ELOVL2: variants seen among roughly 807,000 people sequenced by gnomAD.
ELOVL2 encodes ELOVL fatty acid elongase 2.
A neutral mutation model predicts 37.7 loss-of-function variants in ELOVL2; 38 were observed. The observed-to-expected ratio is 1.01, with a 90% CI of 0.78 to 1.32. The LOEUF (loss-of-function observed/expected upper bound fraction) is 1.32. Among genes scored for constraint, ELOVL2 ranks in the 40% most tolerant of loss-of-function variants. The probability of loss-of-function intolerance (pLI) is 0.00; values close to 1 mark genes in which losing one functional copy is unlikely to be tolerated. For synonymous variants in ELOVL2, 115 were observed against 122.3 expected (o/e 0.94, Z 0.40); for missense variants, 352 against 363.6 (o/e 0.97, Z 0.26).
Position 11,000,132 on chromosome 6 carries a change from G to C in ELOVL2, c.288C>G (p.Asn96Lys), listed in dbSNP as rs371994990. ...CGCTGGTAAGATCTTGACACTGTAAGTTGTAGCCTCCTTCCCAAGTGGAGA... is the reference window on the plus strand; with the variant it reads ...CGCTGGTAAGATCTTGACACTGTAACTTGTAGCCTCCTTCCCAAGTGGAGA... Reference protein sequence around the residue: ...LILSTWEGGYNLQCQDLTSAG... With the variant: ...LILSTWEGGYKLQCQDLTSAG... Residue 96 changes from asparagine (N) to lysine (K), a missense_variant, in exon 4 of 8, where the codon AAC becomes AAG. By Grantham distance (94) the Asn-to-Lys change is moderately conservative. Coordinates refer to ENST00000354666, the MANE Select transcript of ELOVL2 (RefSeq NM_017770.4). 8 of 1,614,040 alleles carry C rather than the reference G, an allele frequency of 5.0e-6. No individual in the cohort carries two copies. The African/African-American group carries it at 8.0e-5, about 16-fold the overall frequency.
rs1050891794 is a variant in ELOVL2, at chr6:10,995,724, A to T, written c.334-546T>A. Among the ~76,000 whole-genome samples, 4 of 152,278 alleles carry T rather than the reference A, an allele frequency of 2.6e-5. No individual in the cohort carries two copies. In the South Asian group the frequency reaches 6.2e-4, roughly 24 times the overall value. The stretch of plus-strand genomic sequence containing the variant: ...CTTCATTTGTATTCAAATTACTTTA[A>T]CTGTGGCTCCATAATCAATAGACAT... On this transcript the variant is annotated intron_variant, in intron 4 of 7. Transcript: ENST00000354666.
chr6:11,017,584 C>T (rs1000182254), intron 1 of ELOVL2, among the ~76,000 whole-genome samples: 1 of 152,194 alleles, frequency 6.6e-6, no homozygotes, highest in African/African-American at 2.4e-5. Flanking sequence ...GGTTATGCTC[C>T]ACTTCCCACA....
At chr6:11,023,883 C>CA (rs1259579471) in intron 1 of ELOVL2, among the ~76,000 whole-genome samples, 5 of 151,954 alleles carry the variant, frequency 3.3e-5, no homozygotes, top group Admixed American at 6.6e-5. Context: ...GCTACGTGAG[C>CA]AAAAAAATTG....
At chr6:11,002,606 C>G (rs1782407884) in intron 3 of ELOVL2, among the ~76,000 whole-genome samples, 1 of 152,156 alleles carries the variant, frequency 6.6e-6, no homozygotes, top group Non-Finnish European at 1.5e-5. Context: ...AGTGGGTAAG[C>G]AGTAGATAAA....
In ELOVL2 at chr6:11,018,326, T is replaced by G. The variant is rs1782715486; in HGVS notation, c.4-7517A>C. Among the ~76,000 whole-genome samples the G allele has an allele frequency of 2.6e-5, 4 of 152,306 alleles. No individual in the cohort carries two copies. The South Asian group carries it at 8.3e-4, about 32-fold the overall frequency. On this transcript the variant is annotated intron_variant, in intron 1 of 7. Transcript: ENST00000354666. ...TAATTCCAACCTATACTAAAAAATG[T>G]GAAAAGGTAAGAATACTGGTATTGC...
At chr6:11,003,282 G>T (rs1178631307) in intron 3 of ELOVL2, among the ~76,000 whole-genome samples, 1 of 152,054 alleles carries the variant, frequency 6.6e-6, no homozygotes, top group African/African-American at 2.4e-5. Flanking sequence ...TTAGGTATTT[G>T]TCCCAGTGCT....
In ELOVL2 at chr6:11,044,105, G is replaced by T. The variant is rs113833123; in HGVS notation, c.3+123C>A. ...GGACCCGGCCCCTCCGAGGGTAGCG[G>T]GTTCCAGCGGCGAACCCGCAGCGCC... On this transcript the variant is annotated intron_variant, in intron 1 of 7. Transcript: ENST00000354666. This position sits in a 1 kb window ranked among gnomAD's most constrained non-coding sequence, Gnocchi z 5.6. The T allele has an allele frequency of 1.6e-6, 2 of 1,239,350 alleles. No homozygotes were observed. Among genetic ancestry groups the T allele is most frequent in the Non-Finnish European group, 2.1e-6 (2 of 959,874 alleles). 76.8% of individuals were successfully genotyped at this position (1,239,350 alleles called of 1,614,324 possible).
rs889887728 is a variant in ELOVL2, at chr6:10,995,247, G to A, written c.334-69C>T. The stretch of plus-strand genomic sequence containing the variant: ...TGTTCCTGGTGCTGCCCCACTGCTC[G>A]GCCTTCTGCCTGCTGCCTGTGGTTT... On this transcript the variant is annotated intron_variant, in intron 4 of 7. Coordinates refer to ENST00000354666, the MANE Select transcript of ELOVL2 (RefSeq NM_017770.4). The A allele has an allele frequency of 5.6e-5, 68 of 1,222,686 alleles. No homozygotes were observed. The South Asian group carries it at 7.5e-4, about 13-fold the overall frequency. 75.7% of individuals were successfully genotyped at this position (1,222,686 alleles called of 1,614,324 possible).
In ELOVL2 at chr6:10,989,855, G is replaced by A; in HGVS notation, c.631-18C>T. 1 of 1,613,816 alleles carries A rather than the reference G, an allele frequency of 6.2e-7. No homozygotes were observed. Among genetic ancestry groups the A allele is most frequent in the Non-Finnish European group, 8.5e-7 (1 of 1,179,794 alleles). On this transcript the variant is annotated intron_variant, in intron 6 of 7. Transcript: ENST00000354666. Reference sequence around the variant, plus strand: ...AACTGCACCTGGGGACGGCAGAGAGGGCATCTCTGTGAGCGAGCCAGGCTG... The same window carrying A: ...AACTGCACCTGGGGACGGCAGAGAGAGCATCTCTGTGAGCGAGCCAGGCTG...
chr6:11,041,435 A>G (rs1336799326), intron 1 of ELOVL2, among the ~76,000 whole-genome samples: 2 of 152,232 alleles, frequency 1.3e-5, no homozygotes, highest in African/African-American at 4.8e-5. Flanking sequence ...CCAACTGGAT[A>G]CTTTAAAAAT....
chr6:10,996,001 T>C (rs1581862900), intron 4 of ELOVL2, among the ~76,000 whole-genome samples: 1 of 152,240 alleles, frequency 6.6e-6, no homozygotes, highest in Non-Finnish European at 1.5e-5. Context: ...CAAGATGTTA[T>C]TCATCCTTGC....
intron 2 of ELOVL2, among the ~76,000 whole-genome samples, chr6:11,007,642 G>T (rs1782502266): frequency 6.6e-6 from 1 of 152,112 alleles, no homozygotes; most frequent in South Asian, 2.1e-4. Flanking sequence ...ACTTTTTATG[G>T]CAGCCTAGGA....
chr6:11,017,599 G>A (rs571554386), intron 1 of ELOVL2, among the ~76,000 whole-genome samples: 2 of 152,288 alleles, frequency 1.3e-5, no homozygotes, highest in Admixed American at 1.3e-4. Flanking sequence ...CCCACACATG[G>A]CTCTTGTGTT....
intron 3 of ELOVL2, 97 bp downstream of exon 3, chr6:11,005,275 A>T: frequency 1.8e-6 from 2 of 1,090,322 alleles, no homozygotes; most frequent in South Asian, 3.5e-5. Context: ...TAGGTCTTAA[A>T]GTAACCTTGC....
At chr6:11,019,305 A>AT (rs989070113) in intron 1 of ELOVL2, among the ~76,000 whole-genome samples, 2 of 152,142 alleles carry the variant, frequency 1.3e-5, no homozygotes, top group Admixed American at 6.5e-5. Context: ...AAATATAGAC[A>AT]TTTTTTCCCT....
At chr6:11,018,585 G>A (rs1183686763) in intron 1 of ELOVL2, among the ~76,000 whole-genome samples, 1 of 152,130 alleles carries the variant, frequency 6.6e-6, no homozygotes, top group African/African-American at 2.4e-5. Context: ...TAACTTACAG[G>A]TTCTCATTCA....
chr6:10,991,596 A>G (rs1782159881), intron 5 of ELOVL2, among the ~76,000 whole-genome samples: 1 of 152,250 alleles, frequency 6.6e-6, no homozygotes, highest in Non-Finnish European at 1.5e-5. Context: ...TTAATCCTAG[A>G]TTAGTGATCT....
At chr6:11,025,375 T>G (rs76787995) in intron 1 of ELOVL2, among the ~76,000 whole-genome samples, 2,492 of 152,300 alleles carry the variant, frequency 0.016, 63 homozygotes, top group African/African-American at 0.056. Flanking sequence ...TATGTAAAAC[T>G]GATACAAATT....
At chr6:11,037,730 T>G (rs1783032723) in intron 1 of ELOVL2, among the ~76,000 whole-genome samples, 1 of 152,204 alleles carries the variant, frequency 6.6e-6, no homozygotes, top group African/African-American at 2.4e-5. Flanking sequence ...CCTTAAATTA[T>G]ATTAGTCAGT....
Sources: gnomAD v4.1 joint callset for allele counts (sites outside exome capture counted in the v4.1 genomes callset) on GRCh38, gnomAD v4.1.1 for gene constraint, Gnocchi (gnomAD v3.1) non-coding constraint, MANE v1.5 for transcripts, NCBI Gene and HGNC (gene_info 2026-07-23, HGNC 2026-07-21) for gene names.